RPTOR: variants seen among roughly 807,000 people sequenced by gnomAD.
The protein encoded by RPTOR is regulatory associated protein of MTOR complex 1, also known as regulatory-associated protein of mTOR.
RPTOR carries 21 observed loss-of-function variants against 169.9 expected under a neutral mutation model. The observed-to-expected ratio is 0.12, with a 90% CI of 0.09 to 0.18. The LOEUF (loss-of-function observed/expected upper bound fraction) is 0.18, where lower values mean the gene tolerates loss of function less well. RPTOR is among the 10% of genes least tolerant of loss of function. The probability of loss-of-function intolerance (pLI) is 1.00; values close to 1 mark genes in which losing one functional copy is unlikely to be tolerated. For synonymous variants in RPTOR, 732 were observed against 753.2 expected, an observed-to-expected ratio of 0.97 and a Z score of 0.46; for missense variants, 1,133 against 1,855.9, an observed-to-expected ratio of 0.61 and a Z score of 7.16.
chr17:80,808,163 A>G (rs994173232), intron 7 of RPTOR, among the ~76,000 whole-genome samples: 2 of 151,542 alleles, frequency 1.3e-5, no homozygotes, highest in Non-Finnish European at 2.9e-5. Context: ...GATGGTGTGC[A>G]CCTGTAATCT....
At chr17:80,547,125 C>T (rs1396708860) in intron 1 of RPTOR, among the ~76,000 whole-genome samples, 1 of 152,090 alleles carries the variant, frequency 6.6e-6, no homozygotes, top group East Asian at 1.9e-4. Flanking sequence ...TCAGTAGTAA[C>T]CAGTTAGCTA....
In RPTOR at chr17:80,659,115, G is replaced by T. The variant is rs2065701333; in HGVS notation, c.348+15305G>T. On this transcript the variant is annotated intron_variant, in intron 3 of 33. Coordinates refer to ENST00000306801, the MANE Select transcript of RPTOR (RefSeq NM_020761.3). This position sits in a 1 kb window ranked among gnomAD's most constrained non-coding sequence, Gnocchi z 4.3. ...GAATCTGAGTCCCGATTGTGGAATG[G>T]TGGTGGCAGCATCACGTCCTGCAGG... is the stretch of plus-strand genomic sequence containing the variant. Among the ~76,000 whole-genome samples, 2 of 152,326 alleles carry T rather than the reference G, an allele frequency of 1.3e-5. No individual in the cohort carries two copies. The highest frequency in any genetic ancestry group is 4.1e-4 in the South Asian group (2 of 4,826).
intron 6 of RPTOR, among the ~76,000 whole-genome samples, chr17:80,765,235 C>T (rs922176553): frequency 6.6e-6 from 1 of 152,154 alleles, no homozygotes; most frequent in Non-Finnish European, 1.5e-5. Flanking sequence ...CCTCTGAACA[C>T]TCTTCTCACA....
intron 1 of RPTOR, among the ~76,000 whole-genome samples, chr17:80,607,907 A>G (rs1375684963): frequency 6.6e-6 from 1 of 152,214 alleles, no homozygotes; most frequent in African/African-American, 2.4e-5. Context: ...GGCTAGGCAT[A>G]AATTCCTTAT....
intron 1 of RPTOR, among the ~76,000 whole-genome samples, chr17:80,594,732 G>A (rs1304738895): frequency 6.6e-6 from 1 of 152,178 alleles, no homozygotes; most frequent in Non-Finnish European, 1.5e-5. Flanking sequence ...CCATCACCGG[G>A]TGGCTCTTCT....
chr17:80,739,337 CT>C (rs2066463179), intron 5 of RPTOR, among the ~76,000 whole-genome samples: 1 of 152,206 alleles, frequency 6.6e-6, no homozygotes, highest in Non-Finnish European at 1.5e-5. Context: ...GGTGTTCATT[CT>C]CACCCATCCT....
At chr17:80,703,358 G>C (rs1470160454) in intron 3 of RPTOR, among the ~76,000 whole-genome samples, 1 of 152,142 alleles carries the variant, frequency 6.6e-6, no homozygotes, top group African/African-American at 2.4e-5. Context: ...GTTCACTAAG[G>C]GGAAGTGGTT....
chr17:80,728,718 A>G lies in RPTOR; in HGVS notation c.508-1842A>G, dbSNP rs544914808. On this transcript the variant is annotated intron_variant, in intron 4 of 33. Transcript: ENST00000306801. ...GAGTCCCTATTCATTATTCTTTATT[A>G]ATTTTTTTTTGCTCTTGTGCTTTTT... Among the ~76,000 whole-genome samples, 10 of 151,148 alleles carry G rather than the reference A, an allele frequency of 6.6e-5. 1 individual carries two copies. In the South Asian group the frequency reaches 2.1e-3, roughly 32 times the overall value.
chr17:80,692,278 C>CGTTATGTTATGTTAT lies in RPTOR; in HGVS notation c.349-15522_349-15508dup, dbSNP rs71367010. ...AGGTGCACGCCACCATGTCTGGCTA[C>CGTTATGTTATGTTAT]GTTATGTTATGTTATGTTATGTTAT... On this transcript the variant is annotated intron_variant, in intron 3 of 33. Transcript: ENST00000306801. 4.9e-3 allele frequency among the ~76,000 whole-genome samples: 716 copies of CGTTATGTTATGTTAT among 145,478 alleles called. 3 individuals carry two copies. The highest frequency in any genetic ancestry group is 7.1e-3 in the Middle Eastern group (2 of 282).
chr17:80,867,406 C>T (rs949811242), intron 13 of RPTOR, among the ~76,000 whole-genome samples: 1 of 151,706 alleles, frequency 6.6e-6, no homozygotes, highest in African/African-American at 2.4e-5. Context: ...AAGGGAACTT[C>T]GTCTACCTGA....
chr17:80,781,577 C>G (rs2066942579), intron 6 of RPTOR, among the ~76,000 whole-genome samples: 1 of 152,252 alleles, frequency 6.6e-6, no homozygotes, highest in African/African-American at 2.4e-5. Context: ...GCCACGCTGT[C>G]TCGCGTGGGG....
intron 9 of RPTOR, among the ~76,000 whole-genome samples, chr17:80,835,090 C>T (rs2067549301): frequency 1.3e-5 from 2 of 152,112 alleles, no homozygotes; most frequent in Admixed American, 1.3e-4. Flanking sequence ...ATTTATTGCA[C>T]GTACTTTGAG....
intron 20 of RPTOR, among the ~76,000 whole-genome samples, chr17:80,906,596 C>T (rs971719370): frequency 6.6e-6 from 1 of 152,352 alleles, no homozygotes; most frequent in African/African-American, 2.4e-5. Flanking sequence ...GGGCAAGACC[C>T]GCAGGGGACG....
chr17:80,846,747 T>C (rs756915724), intron 11 of RPTOR, among the ~76,000 whole-genome samples, 173 bp downstream of exon 11: 2 of 152,192 alleles, frequency 1.3e-5, no homozygotes, highest in African/African-American at 2.4e-5. Flanking sequence ...GGCAAACGGA[T>C]CACACAGATC....
chr17:80,964,389 T>C lies in RPTOR; in HGVS notation c.*59T>C, dbSNP rs1446670213. 6.4e-7 allele frequency: 1 copy of C among 1,559,662 alleles called. No individual in the cohort carries two copies. Among genetic ancestry groups the C allele is most frequent in the Non-Finnish European group, 8.7e-7 (1 of 1,144,154 alleles). On this transcript the variant is annotated 3_prime_UTR_variant, in exon 34 of 34. Transcript: ENST00000306801. ...CTGCTGTACATAGTGAAGCTGTCACTCGCCGGGGCACGGGGCGTCGGCTGC... is the reference window on the plus strand; with the variant it reads ...CTGCTGTACATAGTGAAGCTGTCACCCGCCGGGGCACGGGGCGTCGGCTGC...
chr17:80,842,012 T>C (rs935648527), intron 10 of RPTOR, among the ~76,000 whole-genome samples: 5 of 146,432 alleles, frequency 3.4e-5, no homozygotes, highest in African/African-American at 1.3e-4. Context: ...CGCAGCTCAC[T>C]CTCACCACAC....
intron 6 of RPTOR, among the ~76,000 whole-genome samples, chr17:80,775,026 C>G (rs1386224206): frequency 6.6e-6 from 1 of 152,234 alleles, no homozygotes; most frequent in Non-Finnish European, 1.5e-5. Context: ...CCGTCCTCCA[C>G]TGTCTTGCTG....
intron 5 of RPTOR, among the ~76,000 whole-genome samples, chr17:80,742,932 ACACT>A: frequency 6.8e-6 from 1 of 147,486 alleles, no homozygotes; most frequent in East Asian, 1.9e-4. Flanking sequence ...GCACATCTAC[ACACT>A]CACCTATACA....
intron 1 of RPTOR, among the ~76,000 whole-genome samples, chr17:80,580,214 C>T (rs1568316503): frequency 2.6e-5 from 4 of 151,926 alleles, no homozygotes; most frequent in Admixed American, 1.3e-4. Context: ...TATTATAACT[C>T]ATGTTATGAT....
Sources: gnomAD v4.1 joint callset for allele counts (sites outside exome capture counted in the v4.1 genomes callset) on GRCh38, gnomAD v4.1.1 for gene constraint, Gnocchi (gnomAD v3.1) non-coding constraint, MANE v1.5 for transcripts, NCBI Gene and HGNC (gene_info 2026-07-23, HGNC 2026-07-21) for gene names.